PCCA: variants seen among roughly 807,000 people sequenced by gnomAD.
PCCA encodes propionyl-CoA carboxylase alpha chain, mitochondrial.
Under a neutral mutation model 101.3 loss-of-function variants are expected in PCCA, and 74 were observed. The observed-to-expected ratio is 0.73, with a 90% CI of 0.61 to 0.89. The LOEUF is 0.89. Ranked by LOEUF, PCCA falls within the 40% of genes least tolerant of loss-of-function variation. PCCA has a pLI of 0.00. For missense variants in PCCA, 891 were observed against 907.0 expected, an observed-to-expected ratio of 0.98 and a Z score of 0.23; for synonymous variants, 294 against 313.6, an observed-to-expected ratio of 0.94 and a Z score of 0.66.
chr13:100,339,149 T>C (rs139642027), intron 17 of PCCA, among the ~76,000 whole-genome samples: 11 of 152,292 alleles, frequency 7.2e-5, no homozygotes, highest in African/African-American at 2.6e-4. Flanking sequence ...AGGTTACTTA[T>C]AATGCGTAGT....
intron 9 of PCCA, among the ~76,000 whole-genome samples, chr13:100,260,144 C>T (rs529270156): frequency 2.0e-5 from 3 of 152,028 alleles, no homozygotes; most frequent in Non-Finnish European, 4.4e-5. Flanking sequence ...TATATGGTAT[C>T]GAAAACTAAT....
intron 2 of PCCA, among the ~76,000 whole-genome samples, chr13:100,104,308 A>G (rs1003103685): frequency 6.6e-6 from 1 of 152,204 alleles, no homozygotes; most frequent in Non-Finnish European, 1.5e-5. Flanking sequence ...TAGAAATACA[A>G]TGTGAAACAC....
rs1168264538 is a variant in PCCA at position 100,195,683 on chromosome 13, T to C, written c.469-13649T>C. ...GTGGAGCTAATCCTAGAAACCTCTT[T>C]CTATTTTCTTACCTAACACCTCCAG... On this transcript the variant is annotated intron_variant, in intron 6 of 23. Transcript: ENST00000376285. Among the ~76,000 whole-genome samples the C allele has an allele frequency of 3.9e-5, 6 of 152,322 alleles. No individual in the cohort carries two copies. In the East Asian group the frequency reaches 9.6e-4, roughly 24 times the overall value.
chr13:100,442,841 G>A (rs1225127256), intron 20 of PCCA, among the ~76,000 whole-genome samples: 2 of 152,168 alleles, frequency 1.3e-5, no homozygotes, highest in Admixed American at 6.6e-5. Flanking sequence ...GGGGGCAAAC[G>A]TGCAGAAGTC....
intron 12 of PCCA, among the ~76,000 whole-genome samples, chr13:100,277,123 G>T (rs1237176917): frequency 1.3e-5 from 2 of 152,072 alleles, no homozygotes; most frequent in African/African-American, 2.4e-5. Context: ...CTCCTGAGGG[G>T]ATACACAGCC....
At chr13:100,194,486 C>T (rs1362742821) in intron 6 of PCCA, among the ~76,000 whole-genome samples, 2 of 152,180 alleles carry the variant, frequency 1.3e-5, no homozygotes, top group African/African-American at 4.8e-5. Flanking sequence ...GGTGCAACTT[C>T]AGCTCACTGC....
At chr13:100,153,762 A>G (rs1242216711) in intron 4 of PCCA, among the ~76,000 whole-genome samples, 4 of 152,174 alleles carry the variant, frequency 2.6e-5, no homozygotes, top group Non-Finnish European at 5.9e-5. Flanking sequence ...TTTCCCTACA[A>G]TTGGTATTAT....
chr13:100,506,295 T>C (rs995981949), intron 21 of PCCA, among the ~76,000 whole-genome samples: 3 of 147,056 alleles, frequency 2.0e-5, no homozygotes, highest in Non-Finnish European at 3.0e-5. Flanking sequence ...CTAGGATGTG[T>C]CAGAACTGTA....
chr13:100,186,750 A>AAAAAAAAAAC (rs2057310624), intron 6 of PCCA, among the ~76,000 whole-genome samples: 4 of 139,772 alleles, frequency 2.9e-5, no homozygotes, highest in African/African-American at 1.1e-4. Context: ...AAAAAAAAAC[A>AAAAAAAAAAC]AAAAAAAAAA....
At chr13:100,279,676 A>G (rs776375721) in intron 12 of PCCA, among the ~76,000 whole-genome samples, 2 of 152,184 alleles carry the variant, frequency 1.3e-5, no homozygotes, top group Non-Finnish European at 2.9e-5. Context: ...GGGTTTTACC[A>G]TGTTGGCCAG....
At chr13:100,469,221 A>AAAAAAAAAAAAAAAAAAAAAAAAAAAC (rs1312633718) in intron 21 of PCCA, among the ~76,000 whole-genome samples, 1 of 150,610 alleles carries the variant, frequency 6.6e-6, no homozygotes, top group Non-Finnish European at 1.5e-5. Context: ...CAAAAAAAAA[A>AAAAAAAAAAAAAAAAAAAAAAAAAAAC]AAAAAAGAAT....
At chr13:100,348,137 G>T (rs1384814696) in intron 18 of PCCA, among the ~76,000 whole-genome samples, 1 of 152,142 alleles carries the variant, frequency 6.6e-6, no homozygotes, top group Non-Finnish European at 1.5e-5. Flanking sequence ...GCTCTGTATT[G>T]CTTTGTCATG....
intron 18 of PCCA, among the ~76,000 whole-genome samples, chr13:100,367,374 A>G (rs9585416): frequency 0.031 from 4,652 of 152,032 alleles, 232 homozygotes; most frequent in African/African-American, 0.11. Context: ...AAAAGAAATA[A>G]TGTGTAAGTT....
chr13:100,268,501 A>G (rs2063090737), intron 10 of PCCA, 188 bp from the exon 11 acceptor site: 2 of 661,452 alleles, frequency 3.0e-6, no homozygotes, highest in African/African-American at 3.6e-5. Context: ...AAAATGTTTT[A>G]TTGAGCTTTG....
intron 6 of PCCA, among the ~76,000 whole-genome samples, chr13:100,208,117 G>A (rs780692622): frequency 1.3e-5 from 2 of 152,144 alleles, no homozygotes; most frequent in Non-Finnish European, 2.9e-5. Flanking sequence ...GCAGAGGCCT[G>A]TCAGCTCAGC....
chr13:100,415,749 G>A (rs552862556), intron 19 of PCCA, among the ~76,000 whole-genome samples: 7 of 152,290 alleles, frequency 4.6e-5, no homozygotes, highest in Admixed American at 6.5e-5. Context: ...GAGGTGAATC[G>A]AAAACACTTT....
chr13:100,371,705 C>G (rs1321977931), intron 19 of PCCA, among the ~76,000 whole-genome samples: 2 of 152,204 alleles, frequency 1.3e-5, no homozygotes, highest in Non-Finnish European at 2.9e-5. Context: ...GAAATTCATG[C>G]AATTTCAAGG....
intron 21 of PCCA, chr13:100,480,401 G>A (rs117079435): frequency 1.3e-5 from 2 of 152,110 alleles, no homozygotes; most frequent in African/African-American, 4.8e-5. Context: ...CAGACACAGG[G>A]ACTCCTGTGT....
At chr13:100,223,522 G>A (rs564207730) in intron 7 of PCCA, among the ~76,000 whole-genome samples, 2 of 152,112 alleles carry the variant, frequency 1.3e-5, no homozygotes, top group Admixed American at 6.5e-5. Context: ...AGACCTTCGC[G>A]GTGAGCGTTA....
Sources: gnomAD v4.1 joint callset for allele counts (sites outside exome capture counted in the v4.1 genomes callset) on GRCh38, gnomAD v4.1.1 for gene constraint, MANE v1.5 for transcripts, NCBI Gene and HGNC (gene_info 2026-07-23, HGNC 2026-07-21) for gene names.